The following CDK13 variants were observed in gnomAD, a reference collection of about 807,000 sequenced individuals.
CDK13 encodes cyclin dependent kinase 13.
In CDK13, 40 loss-of-function variants were observed where a neutral mutation model predicts 137.6. That is an observed-to-expected ratio of 0.29 (90% CI 0.23 to 0.38). The LOEUF is 0.38. CDK13 is among the 10% of genes least tolerant of loss of function. The pLI is 1.00. For synonymous variants in CDK13, 869 were observed against 760.1 expected, an observed-to-expected ratio of 1.14 and a Z score of -2.36; for missense variants, 1,704 against 1,951.8, an observed-to-expected ratio of 0.87 and a Z score of 2.39.
intron 12 of CDK13, among the ~76,000 whole-genome samples, chr7:40,089,723 AGTGTGTGTGTGTGT>A (rs142023627): frequency 2.6e-4 from 33 of 125,228 alleles, no homozygotes; most frequent in African/African-American, 1.2e-3. Flanking sequence ...AGAGAGAGAG[AGTGTGTGTGTGTGT>A]GTGTGTGTGT....
At chr7:40,014,681 C>T (rs576450072) in intron 5 of CDK13, among the ~76,000 whole-genome samples, 18 of 152,058 alleles carry the variant, frequency 1.2e-4, no homozygotes, top group Non-Finnish European at 2.6e-4. Flanking sequence ...GTCTCGAACT[C>T]CTGGGCTCAA....
At chr7:39,991,488 TGTGTG>T (rs1784454388) in intron 2 of CDK13, among the ~76,000 whole-genome samples, 1 of 89,118 alleles carries the variant, frequency 1.1e-5, no homozygotes, top group African/African-American at 3.8e-5. Context: ...AGCAAAAGTG[TGTGTG>T]TGTGTGTGTG....
At position 40,028,420 on chromosome 7, in the gene CDK13, A is replaced by G. The variant is rs191397915; in HGVS notation, c.2354-17416A>G. Among the ~76,000 whole-genome samples the G allele has an allele frequency of 5.8e-4, 88 of 151,966 alleles. 1 individual carries two copies. Among genetic ancestry groups the G allele is most frequent in the African/African-American group, 2.0e-3 (82 of 41,446 alleles). On this transcript the variant is annotated intron_variant, in intron 5 of 13. Coordinates refer to ENST00000181839, the MANE Select transcript of CDK13 (RefSeq NM_003718.5). Reference sequence around the variant, plus strand: ...TTTTTAGTAGAGACGAGGTTTCACCATGTTGGCCAGGATGGTCTTAATCTC... The same window carrying G: ...TTTTTAGTAGAGACGAGGTTTCACCGTGTTGGCCAGGATGGTCTTAATCTC...
chr7:40,077,853 C>CT, intron 9 of CDK13, 152 bp from the exon 10 acceptor site: 1 of 463,174 alleles, frequency 2.2e-6, no homozygotes, highest in Non-Finnish European at 3.8e-6. Flanking sequence ...GAGACTCTGT[C>CT]TCAAAAAAAA....
At chr7:40,003,085 G>A (rs900357346) in intron 5 of CDK13, among the ~76,000 whole-genome samples, 7 of 147,538 alleles carry the variant, frequency 4.7e-5, no homozygotes, top group South Asian at 4.3e-4. Flanking sequence ...CTCTAAAAAC[G>A]AAAAGAAAAA....
intron 1 of CDK13, among the ~76,000 whole-genome samples, chr7:39,968,083 T>C (rs996233956): frequency 6.6e-6 from 1 of 152,180 alleles, no homozygotes; most frequent in African/African-American, 2.4e-5. Flanking sequence ...GTTTTTGAAA[T>C]TGGGTTATTT....
intron 12 of CDK13, among the ~76,000 whole-genome samples, chr7:40,089,914 A>T (rs369743792): frequency 7.9e-4 from 121 of 152,330 alleles, no homozygotes; most frequent in African/African-American, 2.8e-3. Context: ...CTTTAGGAAG[A>T]TAACCATTAA....
At position 39,988,264 on chromosome 7, in the gene CDK13, T is replaced by C. The variant is rs375662121; in HGVS notation, c.1871+6T>C. On this transcript the variant is annotated splice_donor_region_variant and intron_variant, in intron 2 of 13. Transcript: ENST00000181839. ...GAAGATAAAGAAGCTGATAGGTAAGTGCAAAAAGTATTTGTCAATAACTGT... is the reference window on the plus strand; with the variant it reads ...GAAGATAAAGAAGCTGATAGGTAAGCGCAAAAAGTATTTGTCAATAACTGT... The C allele has an allele frequency of 1.0e-4, 164 of 1,580,730 alleles. No homozygotes were observed. Among genetic ancestry groups the C allele is most frequent in the Non-Finnish European group, 1.4e-4 (158 of 1,169,070 alleles).
rs200453813 is a variant in CDK13, at chr7:40,081,852, T to G, written c.3029+3001T>G. Among the ~76,000 whole-genome samples the G allele has an allele frequency of 2.0e-5, 3 of 152,146 alleles. No homozygotes were observed. The East Asian group carries it at 5.8e-4, about 29-fold the overall frequency. On this transcript the variant is annotated intron_variant, in intron 11 of 13. Coordinates refer to ENST00000181839, the MANE Select transcript of CDK13 (RefSeq NM_003718.5). ...GTCTCGAACTCCAGACCTCAGGTGA[T>G]CCGCCTGCCTTGGCCTCCCAAAGTG...
At chr7:40,045,726 C>A in intron 5 of CDK13, 110 bp from the exon 6 acceptor site, 3 of 672,196 alleles carry the variant, frequency 4.5e-6, no homozygotes, top group South Asian at 1.9e-5. Context: ...AGTAACACTT[C>A]TTTTCAAGGA....
At chr7:40,040,565 T>C (rs959164993) in intron 5 of CDK13, among the ~76,000 whole-genome samples, 4 of 152,224 alleles carry the variant, frequency 2.6e-5, no homozygotes, top group Non-Finnish European at 5.9e-5. Context: ...AAAATTGGGC[T>C]GTGTCTAATT....
At chr7:40,067,586 G>T (rs1013846426) in intron 9 of CDK13, 5 of 152,004 alleles carry the variant, frequency 3.3e-5, no homozygotes, top group African/African-American at 1.2e-4. Context: ...AAACTACCTG[G>T]AATCTTTTCT....
At chr7:39,982,216 C>A (rs1262302573) in intron 1 of CDK13, among the ~76,000 whole-genome samples, 2 of 146,760 alleles carry the variant, frequency 1.4e-5, no homozygotes, top group African/African-American at 5.1e-5. Context: ...CTTCCTGTGT[C>A]CATGTGTTCT....
chr7:40,069,725 G>T (rs1786368517), intron 9 of CDK13: 3 of 153,128 alleles, frequency 2.0e-5, no homozygotes, highest in Non-Finnish European at 4.4e-5. Context: ...AATTTGCTTT[G>T]TTCCAGAAAG....
At chr7:39,960,640 C>T (rs1421307584) in intron 1 of CDK13, among the ~76,000 whole-genome samples, 8 of 151,936 alleles carry the variant, frequency 5.3e-5, no homozygotes, top group Admixed American at 3.9e-4. Flanking sequence ...GGCGTGATCT[C>T]GGCTCACTGT....
intron 5 of CDK13, among the ~76,000 whole-genome samples, chr7:40,044,422 C>T (rs1318382381): frequency 6.6e-6 from 1 of 151,692 alleles, no homozygotes; most frequent in East Asian, 1.9e-4. Flanking sequence ...GGGCTCAAGC[C>T]ATCCTCCTAC....
At chr7:39,952,000 C>G in intron 1 of CDK13, 148 bp downstream of exon 1, 1 of 805,878 alleles carries the variant, frequency 1.2e-6, no homozygotes. Context: ...GAAGGATAGG[C>G]GTTTTCGCGC....
At chr7:40,009,153 C>T (rs1463663870) in intron 5 of CDK13, among the ~76,000 whole-genome samples, 1 of 152,186 alleles carries the variant, frequency 6.6e-6, no homozygotes, top group Non-Finnish European at 1.5e-5. Flanking sequence ...ATATTTTCCT[C>T]TAGTGTCTCT....
At chr7:40,001,208 C>G (rs1784678018) in intron 4 of CDK13, among the ~76,000 whole-genome samples, 1 of 146,932 alleles carries the variant, frequency 6.8e-6, no homozygotes, top group Non-Finnish European at 1.5e-5. Flanking sequence ...TATACCCAGT[C>G]TTCAGCATCT....
Sources: allele counts gnomAD v4.1 joint callset (sites outside exome capture counted in the v4.1 genomes callset), GRCh38; gene constraint gnomAD v4.1.1; transcripts MANE v1.5; gene names NCBI Gene and HGNC (gene_info 2026-07-23, HGNC 2026-07-21).